Variants in QTMAN observed in about 807,000 individuals in gnomAD.
QTMAN encodes the protein tRNA-queuosine alpha-mannosyltransferase.
chr2:144,007,739 T>G, the QTMAN span, among the ~76,000 whole-genome samples: 1 of 152,106 alleles, frequency 6.6e-6, no homozygotes. Context: ...TGTCTTTGAA[T>G]AGTTTCCAAA....
chr2:144,071,349 GGTTT>G, the QTMAN span, among the ~76,000 whole-genome samples: 1 of 151,428 alleles, frequency 6.6e-6, no homozygotes. Context: ...AAGAAAACTT[GGTTT>G]TTTTATTGTG....
the QTMAN span, among the ~76,000 whole-genome samples, chr2:144,013,950 A>T: frequency 6.6e-6 from 1 of 152,212 alleles, no homozygotes; most frequent in Non-Finnish European, 1.5e-5. Flanking sequence ...TATAACCTGT[A>T]AAGTATAAAA....
the QTMAN span, among the ~76,000 whole-genome samples, chr2:144,181,962 C>T: frequency 6.6e-6 from 1 of 152,154 alleles, no homozygotes; most frequent in East Asian, 1.9e-4. Context: ...CCTTCAAATT[C>T]AGACTCTGAA....
chr2:143,991,448 C>G, the QTMAN span, among the ~76,000 whole-genome samples: 21 of 149,746 alleles, frequency 1.4e-4, no homozygotes, highest in African/African-American at 4.7e-4. Flanking sequence ...GGTCAGCCCC[C>G]CACCCGGCCA....
chr2:144,017,343 T>A, the QTMAN span, among the ~76,000 whole-genome samples: 1 of 152,126 alleles, frequency 6.6e-6, no homozygotes, highest in Non-Finnish European at 1.5e-5. Context: ...ATAAAAAAAT[T>A]TAAAGATTTG....
chr2:144,130,149 C>T, the QTMAN span, among the ~76,000 whole-genome samples: 1 of 151,058 alleles, frequency 6.6e-6, no homozygotes, highest in Admixed American at 6.6e-5. Context: ...TTCCCAGCCA[C>T]CCCCACAGGG....
the QTMAN span, among the ~76,000 whole-genome samples, chr2:144,021,250 G>A: frequency 6.6e-6 from 1 of 152,170 alleles, no homozygotes; most frequent in Non-Finnish European, 1.5e-5. Flanking sequence ...TCACATGCAA[G>A]GAGTCAGAAA....
At chr2:144,186,257 G>C in the QTMAN span, among the ~76,000 whole-genome samples, 1 of 152,246 alleles carries the variant, frequency 6.6e-6, no homozygotes, top group Admixed American at 6.5e-5. Context: ...ACAATCTGAA[G>C]GTCAGAGATT....
the QTMAN span, among the ~76,000 whole-genome samples, chr2:143,997,331 G>A: frequency 3.9e-5 from 6 of 152,072 alleles, no homozygotes; most frequent in East Asian, 1.2e-3. Flanking sequence ...TTATGAAGTG[G>A]AAAGTTATTG....
At chr2:144,231,712 T>A in the QTMAN span, among the ~76,000 whole-genome samples, 1 of 152,088 alleles carries the variant, frequency 6.6e-6, no homozygotes, top group Non-Finnish European at 1.5e-5. Context: ...CTAAAAGATA[T>A]ATTCTTACCA....
chr2:144,080,957 A>C, the QTMAN span, among the ~76,000 whole-genome samples: 1 of 152,212 alleles, frequency 6.6e-6, no homozygotes, highest in African/African-American at 2.4e-5. Flanking sequence ...CTAATTTTAC[A>C]ACCTCATATT....
the QTMAN span, among the ~76,000 whole-genome samples, chr2:144,023,841 A>AT: frequency 9.8e-4 from 150 of 152,336 alleles, no homozygotes; most frequent in African/African-American, 3.4e-3. Context: ...CTCATAGAAA[A>AT]TAAAAAAAAA....
the QTMAN span, among the ~76,000 whole-genome samples, chr2:144,292,558 C>T: frequency 6.6e-6 from 1 of 151,966 alleles, no homozygotes; most frequent in African/African-American, 2.4e-5. Context: ...TACTCGGTAC[C>T]CTGTACTACA....
the QTMAN span, among the ~76,000 whole-genome samples, chr2:143,974,381 T>G: frequency 1.3e-5 from 2 of 152,202 alleles, no homozygotes; most frequent in Non-Finnish European, 2.9e-5. Context: ...GCACAGAAAT[T>G]CAGCTAGAGT....
At chr2:144,307,586 TAG>T in the QTMAN span, among the ~76,000 whole-genome samples, 2 of 152,206 alleles carry the variant, frequency 1.3e-5, no homozygotes, top group African/African-American at 4.8e-5. Flanking sequence ...AGATCATATA[TAG>T]AGAGCATCCT....
the QTMAN span, among the ~76,000 whole-genome samples, chr2:144,101,403 C>CAT: frequency 1.3e-5 from 2 of 151,434 alleles, no homozygotes; most frequent in African/African-American, 2.4e-5. Context: ...CTCACACACA[C>CAT]ACACACACAC....
chr2:144,042,963 A>T, the QTMAN span, among the ~76,000 whole-genome samples: 1 of 152,124 alleles, frequency 6.6e-6, no homozygotes, highest in East Asian at 1.9e-4. Context: ...CCACTAAGAG[A>T]TCTATTCAGA....
the QTMAN span, among the ~76,000 whole-genome samples, chr2:144,044,524 C>T: frequency 2.6e-5 from 4 of 152,176 alleles, no homozygotes; most frequent in East Asian, 7.7e-4. Context: ...GTTCAAAAGA[C>T]GTGTCAGTGG....
the QTMAN span, among the ~76,000 whole-genome samples, chr2:144,094,831 TAA>T: frequency 6.6e-6 from 1 of 152,248 alleles, no homozygotes; most frequent in Non-Finnish European, 1.5e-5. Context: ...TTCATAATTT[TAA>T]GAGTCAAAGT....
Sources: gnomAD v4.1 joint callset for allele counts (sites outside exome capture counted in the v4.1 genomes callset) on GRCh38, gnomAD v4.1.1 for gene constraint, MANE v1.5 for transcripts, NCBI Gene and HGNC (gene_info 2026-07-23, HGNC 2026-07-21) for gene names.